HLA-DPB1: variants seen among roughly 807,000 people sequenced by gnomAD.
HLA-DPB1 encodes the protein major histocompatibility complex, class II, DP beta 1.
A neutral mutation model predicts 29.4 loss-of-function variants in HLA-DPB1; 30 were observed. That is an observed-to-expected ratio of 1.02 (90% CI 0.76 to 1.38). The LOEUF is 1.38. Among genes scored for constraint, HLA-DPB1 ranks in the 40% most tolerant of loss-of-function variants. The probability of loss-of-function intolerance (pLI) is 0.00; values close to 1 mark genes in which losing one functional copy is unlikely to be tolerated. For synonymous variants in HLA-DPB1, 114 were observed against 134.0 expected, an observed-to-expected ratio of 0.85 and a Z score of 1.03; for missense variants, 261 against 327.5, an observed-to-expected ratio of 0.80 and a Z score of 1.57.
chr6:33,076,213 G>T, intron 1 of HLA-DPB1, 72 bp downstream of exon 1: 1 of 1,051,468 alleles, frequency 9.5e-7, no homozygotes. Flanking sequence ...ATCTTTAAGG[G>T]ATCAAATTCT....
chr6:33,078,143 A>G (rs982464676), intron 1 of HLA-DPB1, among the ~76,000 whole-genome samples: 4 of 152,108 alleles, frequency 2.6e-5, no homozygotes, highest in Non-Finnish European at 5.9e-5. Flanking sequence ...GTGGGGGAGC[A>G]GAGAGCAGAA....
At position 33,086,732 on chromosome 6, in the gene HLA-DPB1, T is replaced by A; in HGVS notation, c.*198T>A. 1 of 398,142 alleles carries A rather than the reference T, an allele frequency of 2.5e-6. No homozygotes were observed. The highest frequency in any genetic ancestry group is 2.0e-5 in the South Asian group (1 of 49,648). 24.7% of individuals were successfully genotyped at this position (398,142 alleles called of 1,614,324 possible). On this transcript the variant is annotated 3_prime_UTR_variant, in exon 6 of 6. Coordinates refer to ENST00000418931, the MANE Select transcript of HLA-DPB1 (RefSeq NM_002121.6). ...TTCTCTCACTGGGCCTCCAACCATG[T>A]TCCCTTCTTCTTAGCACCACAAATA...
intron 3 of HLA-DPB1, 44 bp downstream of exon 3, chr6:33,085,275 G>A (rs1294596518): frequency 6.6e-7 from 1 of 1,504,330 alleles, no homozygotes; most frequent in East Asian, 2.3e-5. Flanking sequence ...TGAAGAGCAG[G>A]GGACTCTCTG....
In HLA-DPB1 at chr6:33,088,041, A is replaced by G. The variant is rs3128964; in HGVS notation, c.*1507A>G. Among the ~76,000 whole-genome samples, 57,830 of 152,026 alleles carry G rather than the reference A, an allele frequency of 0.38. 12,445 individuals are homozygous for G. Among genetic ancestry groups the G allele is most frequent in the East Asian group, 0.64 (3,311 of 5,174 alleles). On this transcript the variant is annotated 3_prime_UTR_variant, in exon 6 of 6. Transcript: ENST00000418931. ...GCTGTCACATAATAAGCTAAGGAAGACAGTATATAGTAAATAAGGACCCTT... is the reference window on the plus strand; with the variant it reads ...GCTGTCACATAATAAGCTAAGGAAGGCAGTATATAGTAAATAAGGACCCTT...
intron 1 of HLA-DPB1, among the ~76,000 whole-genome samples, chr6:33,077,623 C>G (rs1762611671): frequency 1.3e-5 from 2 of 152,150 alleles, no homozygotes; most frequent in Admixed American, 1.3e-4. Flanking sequence ...TAAACTAGTT[C>G]AACCATTGTA....
chr6:33,081,073 GC>G, intron 2 of HLA-DPB1, 138 bp downstream of exon 2: 2 of 1,026,434 alleles, frequency 1.9e-6, no homozygotes, highest in Non-Finnish European at 2.7e-6. Context: ...CATGGGGGGA[GC>G]CCATCTGGAG....
Position 33,076,074 on chromosome 6 carries a change from G to T in HLA-DPB1, c.33G>T (p.Arg11=). 1.2e-6 allele frequency: 2 copies of T among 1,612,586 alleles called. No homozygotes were observed. Among genetic ancestry groups the T allele is most frequent in the Non-Finnish European group, 1.7e-6 (2 of 1,179,910 alleles). Residue 11 remains arginine, a synonymous_variant, in exon 1 of 6, where the codon CGG becomes CGT. Coordinates refer to ENST00000418931, the MANE Select transcript of HLA-DPB1 (RefSeq NM_002121.6). ...TTCTGCAGGTTTCTGCGGCCCCCCG[G>T]ACAGTGGCTCTGACGGCGTTACTGA... is the stretch of plus-strand genomic sequence containing the variant. The part of the protein sequence containing the change: MMVLQVSAAP[R]TVALTALLMV...
chr6:33,081,084 G>T, intron 2 of HLA-DPB1, 149 bp downstream of exon 2: 2 of 938,654 alleles, frequency 2.1e-6, no homozygotes, highest in Non-Finnish European at 3.1e-6. Flanking sequence ...CCCATCTGGA[G>T]CTTGTCAGGG....
intron 1 of HLA-DPB1, chr6:33,079,915 A>G: frequency 3.8e-6 from 1 of 264,470 alleles, no homozygotes; most frequent in South Asian, 3.6e-5. Context: ...TGCCAAAAAA[A>G]ATTACATCAA....
intron 2 of HLA-DPB1, 189 bp downstream of exon 2, chr6:33,081,124 A>T: frequency 1.5e-6 from 1 of 651,836 alleles, no homozygotes; most frequent in Non-Finnish European, 2.5e-6. Context: ...GACTGGGCTG[A>T]GCATGGAGTG....
At chr6:33,084,577 C>T (rs9277441) in intron 2 of HLA-DPB1, among the ~76,000 whole-genome samples, 1 of 151,508 alleles carries the variant, frequency 6.6e-6, no homozygotes, top group Non-Finnish European at 1.5e-5. Flanking sequence ...TGAGGTCAGG[C>T]GTTGGTCAAG....
Position 33,080,682 on chromosome 6 carries a change from T to G in HLA-DPB1, c.111T>G (p.Leu37=), listed in dbSNP as rs1126506. The change falls in exon 2 of 6, where the codon CTT becomes CTG. Residue 37 remains leucine (L), a synonymous_variant. Coordinates refer to ENST00000418931, the MANE Select transcript of HLA-DPB1 (RefSeq NM_002121.6). The surrounding 1 kb of genome is among the most constrained non-coding windows in gnomAD (Gnocchi z 4.3). ...GCCCCCTCCCCGCAGAGAATTACCT[T>G]TTCCAGGGACGGCAGGAATGCTACG... ...VQGRATPENY[L]FQGRQECYAF... 466,050 of 1,601,892 alleles carry G rather than the reference T, an allele frequency of 0.29. 74,294 individuals are homozygous for G. The highest frequency in any genetic ancestry group is 0.62 in the African/African-American group (46,140 of 74,698).
intron 5 of HLA-DPB1, 27 bp downstream of exon 5, chr6:33,086,269 TG>T: frequency 1.3e-6 from 2 of 1,501,986 alleles, no homozygotes; most frequent in Non-Finnish European, 1.9e-6. Flanking sequence ...GATTTCCTTG[TG>T]GGGTGGGTTG....
At position 33,076,133 on chromosome 6, in the gene HLA-DPB1, C is replaced by A; in HGVS notation, c.92C>A (p.Ala31Asp). The change falls in exon 1 of 6, where the codon GCC becomes GAC. Residue 31 changes from alanine to aspartate, a missense_variant. Ala to Asp is a moderately radical substitution (Grantham distance 126). Transcript: ENST00000418931. Reference protein sequence around the residue: ...VLLTSVVQGRATPENYLFQGR... With the variant: ...VLLTSVVQGRDTPENYLFQGR... ...CTCACATCTGTGGTCCAGGGCAGGG[C>A]CACTCCAGGTAAGAGCCGAACTGCC... 6.2e-7 allele frequency: 1 copy of A among 1,606,992 alleles called. No individual in the cohort carries two copies. Among genetic ancestry groups the A allele is most frequent in the Non-Finnish European group, 8.5e-7 (1 of 1,176,168 alleles).
intron 1 of HLA-DPB1, among the ~76,000 whole-genome samples, chr6:33,076,583 A>T (rs748193308): frequency 3.9e-5 from 6 of 152,190 alleles, no homozygotes; most frequent in Non-Finnish European, 7.4e-5. Context: ...AATGCCTCTT[A>T]TTCCCCAGGG....
At position 33,080,994 on chromosome 6, in the gene HLA-DPB1, CG is replaced by C; in HGVS notation, c.364+60del. On this transcript the variant is annotated intron_variant, in intron 2 of 5. Transcript: ENST00000418931. This position sits in a 1 kb window ranked among gnomAD's most constrained non-coding sequence, Gnocchi z 4.3. Reference sequence around the variant, plus strand: ...CAGCCCCGCGGGCCCGTGCCCAGGGCGCAGGAGCAGCCGGGTTGGCCTAAGG... The same window carrying C: ...CAGCCCCGCGGGCCCGTGCCCAGGGCCAGGAGCAGCCGGGTTGGCCTAAGG... 6.7e-7 allele frequency: 1 copy of C among 1,489,870 alleles called. No individual in the cohort carries two copies. 92.3% of individuals were successfully genotyped at this position (1,489,870 alleles called of 1,614,324 possible).
rs1763033840 is a variant in HLA-DPB1, at chr6:33,085,020, C to T, written c.435C>T (p.His145=). The T allele has an allele frequency of 6.8e-6, 11 of 1,612,710 alleles. 1 individual carries two copies. Among genetic ancestry groups the T allele is most frequent in the East Asian group, 2.2e-5 (1 of 44,874 alleles). ...PLQHHNLLVC[H]VTDFYPGSIQ... Reference sequence around the variant, plus strand: ...AGCACCACAACCTGCTTGTCTGCCACGTGACGGATTTCTACCCAGGCAGCA... The same window carrying T: ...AGCACCACAACCTGCTTGTCTGCCATGTGACGGATTTCTACCCAGGCAGCA... The change falls in exon 3 of 6, where the codon CAC becomes CAT. Residue 145 remains histidine (H), a synonymous_variant. Coordinates refer to ENST00000418931, the MANE Select transcript of HLA-DPB1 (RefSeq NM_002121.6).
At chr6:33,077,827 G>A (rs1436325072) in intron 1 of HLA-DPB1, among the ~76,000 whole-genome samples, 1 of 152,126 alleles carries the variant, frequency 6.6e-6, no homozygotes, top group Non-Finnish European at 1.5e-5. Flanking sequence ...GGGTAGCAAG[G>A]TTGGAATCTC....
chr6:33,086,570 C>T lies in HLA-DPB1; in HGVS notation c.*36C>T. Reference sequence around the variant, plus strand: ...TGAGCTCACTGAAAAGACTATTGTGCCTTAGGAAAAGCATTTGCTGTGTTT... The same window carrying T: ...TGAGCTCACTGAAAAGACTATTGTGTCTTAGGAAAAGCATTTGCTGTGTTT... On this transcript the variant is annotated 3_prime_UTR_variant, in exon 6 of 6. Transcript: ENST00000418931. 1 of 603,728 alleles carries T rather than the reference C, an allele frequency of 1.7e-6. No homozygotes were observed. Among genetic ancestry groups the T allele is most frequent in the Non-Finnish European group, 3.1e-6 (1 of 319,374 alleles). The allele number at this position is 603,728 out of a possible 1,614,324, so 37.4% of individuals were successfully genotyped here.
Sources: gnomAD v4.1 joint callset for allele counts (sites outside exome capture counted in the v4.1 genomes callset) on GRCh38, gnomAD v4.1.1 for gene constraint, Gnocchi (gnomAD v3.1) non-coding constraint, MANE v1.5 for transcripts, NCBI Gene and HGNC (gene_info 2026-07-23, HGNC 2026-07-21) for gene names.